Variants in MOB3B observed in about 807,000 individuals in gnomAD.
MOB3B encodes the protein MOB kinase activator 3B.
Under a neutral mutation model 18.7 loss-of-function variants are expected in MOB3B, and 7 were observed. That is an observed-to-expected ratio of 0.37 (90% confidence interval 0.21 to 0.70). The LOEUF (loss-of-function observed/expected upper bound fraction) is 0.70. Ranked by LOEUF, MOB3B falls within the 30% of genes least tolerant of loss-of-function variation. MOB3B has a pLI of 0.52. For synonymous variants in MOB3B, 111 were observed against 99.9 expected, an observed-to-expected ratio of 1.11 and a Z score of -0.66; for missense variants, 253 against 281.3, an observed-to-expected ratio of 0.90 and a Z score of 0.72.
chr9:27,365,990 A>G (rs1323385086), intron 2 of MOB3B, among the ~76,000 whole-genome samples: 1 of 152,236 alleles, frequency 6.6e-6, no homozygotes, highest in African/African-American at 2.4e-5. Flanking sequence ...TCTGCTCACC[A>G]GTTAGACTCA....
chr9:27,490,436 AAT>A (rs1819798382), intron 1 of MOB3B, among the ~76,000 whole-genome samples: 1 of 152,178 alleles, frequency 6.6e-6, no homozygotes, highest in Admixed American at 6.5e-5. Context: ...AGAAGCAACT[AAT>A]AGTGTTTGAG....
intron 1 of MOB3B, chr9:27,524,233 A>C: frequency 8.1e-7 from 1 of 1,228,782 alleles, no homozygotes; most frequent in Non-Finnish European, 1.1e-6. Flanking sequence ...GAATGAGAAA[A>C]CTCCTCCTGC....
chr9:27,475,860 T>C (rs1336431034), intron 1 of MOB3B, among the ~76,000 whole-genome samples: 2 of 152,190 alleles, frequency 1.3e-5, no homozygotes, highest in Admixed American at 6.5e-5. Flanking sequence ...TCTCTCTCTT[T>C]ACAGCTGCCA....
At chr9:27,410,944 A>G (rs1822056470) in intron 2 of MOB3B, among the ~76,000 whole-genome samples, 1 of 152,174 alleles carries the variant, frequency 6.6e-6, no homozygotes, top group Non-Finnish European at 1.5e-5. Context: ...TATTCTTTGA[A>G]AACATGATTT....
chr9:27,346,096 G>A (rs1233491794), intron 3 of MOB3B, among the ~76,000 whole-genome samples: 1 of 152,200 alleles, frequency 6.6e-6, no homozygotes, highest in Non-Finnish European at 1.5e-5. Flanking sequence ...AATGGGATTA[G>A]TGTCCTTATA....
intron 1 of MOB3B, among the ~76,000 whole-genome samples, chr9:27,514,345 C>CAAAAAAAAAAAAAAAAAAAAAAAAA (rs34526085): frequency 2.6e-5 from 2 of 77,638 alleles, no homozygotes; most frequent in African/African-American, 4.9e-5. Context: ...ACCACAAGCT[C>CAAAAAAAAAAAAAAAAAAAAAAAAA]AAAAAAAAAA....
At chr9:27,354,101 C>T (rs886134577) in intron 3 of MOB3B, among the ~76,000 whole-genome samples, 1 of 152,258 alleles carries the variant, frequency 6.6e-6, no homozygotes, top group Non-Finnish European at 1.5e-5. Context: ...GGTTCCCAGG[C>T]TGCCAGCCAT....
intron 1 of MOB3B, among the ~76,000 whole-genome samples, chr9:27,503,181 C>T (rs1162298421): frequency 6.6e-6 from 1 of 151,824 alleles, no homozygotes; most frequent in Non-Finnish European, 1.5e-5. Flanking sequence ...GTCTAAGAAC[C>T]AGAAGAAAAA....
chr9:27,493,224 C>T (rs955998247), intron 1 of MOB3B, among the ~76,000 whole-genome samples: 2 of 152,178 alleles, frequency 1.3e-5, no homozygotes, highest in African/African-American at 4.8e-5. Flanking sequence ...AACGGAGGGA[C>T]CGGCTGAAGC....
intron 3 of MOB3B, among the ~76,000 whole-genome samples, chr9:27,331,920 G>A (rs1820796123): frequency 6.6e-6 from 1 of 152,228 alleles, no homozygotes. Context: ...AATAACAATA[G>A]ACAAGGCAGA....
intron 1 of MOB3B, among the ~76,000 whole-genome samples, chr9:27,522,259 A>T (rs1392958202): frequency 2.1e-5 from 3 of 143,994 alleles, no homozygotes; most frequent in Non-Finnish European, 4.6e-5. Flanking sequence ...AAAAAAAAAA[A>T]AAAAAAAGAA....
chr9:27,397,368 A>C (rs537654170), intron 2 of MOB3B: 1 of 152,194 alleles, frequency 6.6e-6, no homozygotes, highest in Non-Finnish European at 1.5e-5. Context: ...AAGGCTTTTC[A>C]TCTATTGAAC....
intron 1 of MOB3B, among the ~76,000 whole-genome samples, chr9:27,460,222 G>T (rs996842337): frequency 1.1e-4 from 17 of 152,188 alleles, no homozygotes; most frequent in African/African-American, 2.9e-4. Flanking sequence ...ACTTAGGTCA[G>T]GGATGAAACA....
intron 2 of MOB3B, among the ~76,000 whole-genome samples, chr9:27,385,197 G>C (rs1821635899): frequency 6.6e-6 from 1 of 152,164 alleles, no homozygotes; most frequent in African/African-American, 2.4e-5. Context: ...CCTCTGTAGG[G>C]TTTAACATAC....
chr9:27,345,737 C>T (rs1821023436), intron 3 of MOB3B, among the ~76,000 whole-genome samples: 1 of 152,192 alleles, frequency 6.6e-6, no homozygotes, highest in African/African-American at 2.4e-5. Flanking sequence ...ACTCCTGTTT[C>T]ACCTGAGTCG....
intron 1 of MOB3B, among the ~76,000 whole-genome samples, chr9:27,516,435 A>G (rs1458208606): frequency 6.6e-6 from 1 of 152,212 alleles, no homozygotes; most frequent in Non-Finnish European, 1.5e-5. Flanking sequence ...GAGTTTGACC[A>G]TACTCTTCAA....
At position 27,330,384 on chromosome 9, in the gene MOB3B, T is replaced by C; in HGVS notation, c.*203A>G. ...TTCTTTCACGTTGTGGTCTGCCTCG[T>C]CCACAGGTCTGGGCTAGCAGCACTC... On this transcript the variant is annotated 3_prime_UTR_variant, in exon 4 of 4. Coordinates refer to ENST00000262244, the MANE Select transcript of MOB3B (RefSeq NM_024761.5). 1 of 590,552 alleles carries C rather than the reference T, an allele frequency of 1.7e-6. No homozygotes were observed. Among genetic ancestry groups the C allele is most frequent in the African/African-American group, 1.9e-5 (1 of 53,224 alleles). The allele number at this position is 590,552 out of a possible 1,614,324, so 36.6% of individuals were successfully genotyped here.
chr9:27,343,857 T>G (rs944750600), intron 3 of MOB3B, among the ~76,000 whole-genome samples: 1 of 152,154 alleles, frequency 6.6e-6, no homozygotes, highest in Admixed American at 6.5e-5. Flanking sequence ...ATCCTTTTAC[T>G]TCACGTAATT....
intron 3 of MOB3B, among the ~76,000 whole-genome samples, chr9:27,344,456 T>G (rs1226536014): frequency 6.6e-6 from 1 of 152,228 alleles, no homozygotes; most frequent in East Asian, 1.9e-4. Flanking sequence ...TAACTATGTC[T>G]GAGAACCTAT....
Sources: gnomAD v4.1 joint callset for allele counts (sites outside exome capture counted in the v4.1 genomes callset) on GRCh38, gnomAD v4.1.1 for gene constraint, MANE v1.5 for transcripts, NCBI Gene and HGNC (gene_info 2026-07-23, HGNC 2026-07-21) for gene names.